AIG1: variants seen among roughly 807,000 people sequenced by gnomAD.
The protein encoded by AIG1 is androgen-induced gene 1 protein.
Under a neutral mutation model 31.4 loss-of-function variants are expected in AIG1, and 23 were observed. The observed-to-expected ratio is 0.73, with a 90% confidence interval of 0.53 to 1.04. The LOEUF is 1.04. AIG1 is among the 50% of genes least tolerant of loss of function. The pLI is 0.00. For missense variants in AIG1, 274 were observed against 295.0 expected, an observed-to-expected ratio of 0.93 and a Z score of 0.52; for synonymous variants, 100 against 110.5, an observed-to-expected ratio of 0.90 and a Z score of 0.60.
intron 3 of AIG1, among the ~76,000 whole-genome samples, chr6:143,273,324 A>G (rs1208102463): frequency 1.3e-5 from 2 of 152,214 alleles, no homozygotes; most frequent in Non-Finnish European, 1.5e-5. Flanking sequence ...GTTAAATTTC[A>G]GAGTGCTGTG....
At chr6:143,312,655 T>C (rs937058319) in intron 4 of AIG1, among the ~76,000 whole-genome samples, 4 of 152,004 alleles carry the variant, frequency 2.6e-5, no homozygotes, top group African/African-American at 7.2e-5. Context: ...TGGCCAAAGA[T>C]TTCTTGAGAT....
At chr6:143,319,776 A>G (rs1355869694) in intron 4 of AIG1, among the ~76,000 whole-genome samples, 1 of 152,204 alleles carries the variant, frequency 6.6e-6, no homozygotes, top group East Asian at 1.9e-4. Context: ...AAGAGGAAAC[A>G]TTACAACTGA....
intron 4 of AIG1, among the ~76,000 whole-genome samples, chr6:143,308,663 T>A (rs1775001197): frequency 1.3e-5 from 2 of 152,360 alleles, no homozygotes; most frequent in Admixed American, 1.3e-4. Flanking sequence ...AGACTTAACA[T>A]TGTTCTGGTA....
intron 3 of AIG1, among the ~76,000 whole-genome samples, chr6:143,274,190 A>G (rs985325783): frequency 6.7e-6 from 1 of 148,978 alleles, no homozygotes; most frequent in Non-Finnish European, 1.5e-5. Context: ...CCCTTCCCTC[A>G]TAGGAGATCT....
chr6:143,117,003 G>A (rs540240491), intron 1 of AIG1, among the ~76,000 whole-genome samples: 67 of 152,136 alleles, frequency 4.4e-4, no homozygotes, highest in Middle Eastern at 6.8e-3. Flanking sequence ...CGCCATTCCC[G>A]GATTCCCTAG....
intron 1 of AIG1, among the ~76,000 whole-genome samples, chr6:143,064,375 C>T (rs1776508900): frequency 6.6e-6 from 1 of 151,962 alleles, no homozygotes; most frequent in Admixed American, 6.6e-5. Flanking sequence ...GAGGATGGAG[C>T]CAGGAGACAA....
At chr6:143,274,980 G>A (rs1246111711) in intron 3 of AIG1, among the ~76,000 whole-genome samples, 2 of 152,166 alleles carry the variant, frequency 1.3e-5, no homozygotes, top group African/African-American at 2.4e-5. Flanking sequence ...CCATATTTCT[G>A]CACATCCAGT....
At chr6:143,150,947 T>C (rs1785170516) in intron 2 of AIG1, among the ~76,000 whole-genome samples, 1 of 152,184 alleles carries the variant, frequency 6.6e-6, no homozygotes, top group Non-Finnish European at 1.5e-5. Context: ...CAATTCTAGA[T>C]GGGGCCTAGG....
intron 4 of AIG1, among the ~76,000 whole-genome samples, chr6:143,318,345 G>C (rs1267733697): frequency 6.6e-6 from 1 of 151,992 alleles, no homozygotes; most frequent in Admixed American, 6.6e-5. Context: ...TACAGCCACT[G>C]ATCTTCGATA....
chr6:143,193,364 T>A lies in AIG1; in HGVS notation c.399+28181T>A, dbSNP rs185942736. ...ATTCCTACCATATATTTTGTCTGAT[T>A]CTTCATTTTGTCTTGACTTTCACCA... On this transcript the variant is annotated intron_variant, in intron 3 of 5. Transcript: ENST00000357847. Among the ~76,000 whole-genome samples, 3 of 152,328 alleles carry A rather than the reference T, an allele frequency of 2.0e-5. No individual in the cohort carries two copies. The East Asian group carries it at 5.8e-4, about 29-fold the overall frequency.
At chr6:143,160,478 C>T (rs1264287168) in intron 2 of AIG1, among the ~76,000 whole-genome samples, 2 of 152,132 alleles carry the variant, frequency 1.3e-5, no homozygotes, top group African/African-American at 4.8e-5. Context: ...TATCTCAAAG[C>T]TTAAAGGACT....
At chr6:143,265,598 T>G (rs1468694227) in intron 3 of AIG1, among the ~76,000 whole-genome samples, 1 of 152,180 alleles carries the variant, frequency 6.6e-6, no homozygotes, top group Non-Finnish European at 1.5e-5. Context: ...CAAAATAAAT[T>G]GTTTCCATTC....
chr6:143,072,085 C>A (rs1050863591), intron 1 of AIG1, among the ~76,000 whole-genome samples: 1 of 152,072 alleles, frequency 6.6e-6, no homozygotes, highest in Non-Finnish European at 1.5e-5. Flanking sequence ...AGCCACTATG[C>A]CTGGCTCATT....
At chr6:143,296,715 C>G (rs1443279888) in intron 4 of AIG1, among the ~76,000 whole-genome samples, 2 of 152,130 alleles carry the variant, frequency 1.3e-5, no homozygotes, top group Admixed American at 1.3e-4. Flanking sequence ...CCTAAAAGAC[C>G]ATTTGCTTGT....
At chr6:143,079,052 G>A (rs1777979609) in intron 1 of AIG1, among the ~76,000 whole-genome samples, 1 of 151,954 alleles carries the variant, frequency 6.6e-6, no homozygotes, top group Admixed American at 6.6e-5. Context: ...TCACACAATT[G>A]GTGACGCCTT....
intron 4 of AIG1, among the ~76,000 whole-genome samples, chr6:143,290,438 G>T (rs1245298698): frequency 1.3e-5 from 2 of 152,248 alleles, no homozygotes; most frequent in Non-Finnish European, 2.9e-5. Context: ...CTTGGCAGGG[G>T]CCGCATGCGC....
intron 3 of AIG1, among the ~76,000 whole-genome samples, chr6:143,248,790 G>A (rs1397428797): frequency 1.3e-5 from 2 of 152,180 alleles, no homozygotes; most frequent in Admixed American, 1.3e-4. Flanking sequence ...CTCAGAGTAA[G>A]GCATGAGCAA....
At chr6:143,198,336 A>G (rs1296961433) in intron 3 of AIG1, among the ~76,000 whole-genome samples, 1 of 152,252 alleles carries the variant, frequency 6.6e-6, no homozygotes, top group African/African-American at 2.4e-5. Flanking sequence ...GCTGTTTTCC[A>G]TGGCGTATGC....
rs57638632 is a variant in AIG1 at position 143,256,484 on chromosome 6, A to T, written c.400-27626A>T. On this transcript the variant is annotated intron_variant, in intron 3 of 5. Transcript: ENST00000357847. The surrounding 1 kb of genome is among the most constrained non-coding windows in gnomAD (Gnocchi z 4.6). ...GTTGGCTGTTCATTTGCCATCAGTA[A>T]ATTTTATTTTGTCAGGTTTAGACAT... Among the ~76,000 whole-genome samples, 972 of 152,308 alleles carry T rather than the reference A, an allele frequency of 6.4e-3. 9 individuals carry two copies. The highest frequency in any genetic ancestry group is 0.023 in the African/African-American group (937 of 41,560).
Sources: gnomAD v4.1 joint callset for allele counts (sites outside exome capture counted in the v4.1 genomes callset) on GRCh38, gnomAD v4.1.1 for gene constraint, Gnocchi (gnomAD v3.1) non-coding constraint, MANE v1.5 for transcripts, NCBI Gene and HGNC (gene_info 2026-07-23, HGNC 2026-07-21) for gene names.